CLSTN2: variants seen among roughly 807,000 people sequenced by gnomAD.
The protein encoded by CLSTN2 is calsyntenin-2.
In CLSTN2, 48 loss-of-function variants were observed where a neutral mutation model predicts 101.2. The observed-to-expected ratio is 0.47, with a 90% confidence interval of 0.38 to 0.60. CLSTN2 has a LOEUF of 0.60. Among genes scored for constraint, CLSTN2 ranks in the 20% least tolerant of loss-of-function variants. The probability of loss-of-function intolerance (pLI) is 0.00; values close to 1 mark genes in which losing one functional copy is unlikely to be tolerated. For missense variants in CLSTN2, 1,160 were observed against 1,238.2 expected (o/e 0.94, Z 0.95); for synonymous variants, 481 against 463.6 (o/e 1.04, Z -0.48).
intron 8 of CLSTN2, among the ~76,000 whole-genome samples, chr3:140,488,196 C>T (rs1934276684): frequency 6.6e-6 from 1 of 152,168 alleles, no homozygotes; most frequent in African/African-American, 2.4e-5. Context: ...AGTACATATT[C>T]ATTCACTTAT....
At position 139,976,797 on chromosome 3, in the gene CLSTN2, G is replaced by T. The variant is rs935135575; in HGVS notation, c.109+41314G>T. Among the ~76,000 whole-genome samples the T allele has an allele frequency of 4.6e-5, 7 of 152,178 alleles. No individual in the cohort carries two copies. In the East Asian group the frequency reaches 7.7e-4, roughly 17 times the overall value. On this transcript the variant is annotated intron_variant, in intron 1 of 16. Transcript: ENST00000458420. ...CACGCTGAGGGGTTGATTCCCTAGG[G>T]TTATTTGTGCACTTCTGTGTGTGCA...
chr3:140,547,193 G>A (rs898845848), intron 10 of CLSTN2, among the ~76,000 whole-genome samples: 20 of 152,306 alleles, frequency 1.3e-4, no homozygotes, highest in African/African-American at 4.3e-4. Context: ...CATGGGCTGC[G>A]CATGGTGGCC....
At chr3:140,054,553 C>T (rs2008060823) in intron 1 of CLSTN2, among the ~76,000 whole-genome samples, 1 of 152,130 alleles carries the variant, frequency 6.6e-6, no homozygotes, top group African/African-American at 2.4e-5. Context: ...TTATAGCCAC[C>T]CACATACCCA....
At chr3:140,099,666 C>T (rs762418615) in intron 1 of CLSTN2, among the ~76,000 whole-genome samples, 13 of 152,200 alleles carry the variant, frequency 8.5e-5, no homozygotes, top group Non-Finnish European at 1.6e-4. Flanking sequence ...CATAGTCCCT[C>T]TGTCTGCAAG....
At chr3:140,349,679 T>C (rs1157559815) in intron 2 of CLSTN2, among the ~76,000 whole-genome samples, 1 of 152,196 alleles carries the variant, frequency 6.6e-6, no homozygotes, top group Non-Finnish European at 1.5e-5. Flanking sequence ...ATTTGAAAGT[T>C]CAGGTGCTTG....
At chr3:140,292,598 C>T (rs1188839310) in intron 2 of CLSTN2, among the ~76,000 whole-genome samples, 2 of 152,154 alleles carry the variant, frequency 1.3e-5, no homozygotes, top group Admixed American at 6.5e-5. Flanking sequence ...AGAACTACTG[C>T]ATAGAGAAGA....
chr3:140,096,224 CA>C (rs1395374384), intron 1 of CLSTN2, among the ~76,000 whole-genome samples: 1 of 152,150 alleles, frequency 6.6e-6, no homozygotes, highest in Non-Finnish European at 1.5e-5. Flanking sequence ...CCCAGCTCCC[CA>C]AACAGCAGAG....
intron 1 of CLSTN2, among the ~76,000 whole-genome samples, chr3:140,078,514 T>A (rs60313064): frequency 0.056 from 8,498 of 152,248 alleles, 272 homozygotes; most frequent in Middle Eastern, 0.071. Flanking sequence ...CTCCATGTAA[T>A]GAGTGTATGT....
At chr3:140,464,822 C>T (rs1418167571) in intron 7 of CLSTN2, among the ~76,000 whole-genome samples, 2 of 152,130 alleles carry the variant, frequency 1.3e-5, no homozygotes, top group Non-Finnish European at 2.9e-5. Context: ...TTTGCCAATC[C>T]AGACGCTAAA....
chr3:140,564,181 G>T (rs982672396), intron 16 of CLSTN2, 36 bp downstream of exon 16: 2 of 1,601,034 alleles, frequency 1.2e-6, no homozygotes, highest in Non-Finnish European at 1.7e-6. Flanking sequence ...TCTGGGTGGG[G>T]TGCTTCTCCC....
intron 2 of CLSTN2, among the ~76,000 whole-genome samples, chr3:140,315,090 A>C (rs1456521318): frequency 6.6e-6 from 1 of 152,214 alleles, no homozygotes; most frequent in Non-Finnish European, 1.5e-5. Flanking sequence ...CTTGCTGGCA[A>C]GGAGCAGAAA....
At chr3:140,477,712 T>C (rs1934018810) in intron 8 of CLSTN2, among the ~76,000 whole-genome samples, 1 of 152,224 alleles carries the variant, frequency 6.6e-6, no homozygotes, top group South Asian at 2.1e-4. Context: ...TATGTTCTTG[T>C]CTTGTTGAGA....
In CLSTN2 at chr3:139,942,170, A is replaced by G. The variant is rs74657288; in HGVS notation, c.109+6687A>G. ...CTGGAAGGCATTGCCTTGCTGTCCA[A>G]GAATATTTGCTTGGATTTTACTTCA... On this transcript the variant is annotated intron_variant, in intron 1 of 16. Transcript: ENST00000458420. Among the ~76,000 whole-genome samples the G allele has an allele frequency of 9.7e-3, 1,477 of 152,296 alleles. 19 individuals are homozygous for G. Among genetic ancestry groups the G allele is most frequent in the African/African-American group, 0.032 (1,347 of 41,556 alleles).
intron 2 of CLSTN2, among the ~76,000 whole-genome samples, chr3:140,201,884 C>G (rs968248348): frequency 9.2e-5 from 14 of 152,000 alleles, no homozygotes; most frequent in Admixed American, 5.9e-4. Context: ...GAAAAAAAAC[C>G]TGAAAACACA....
intron 1 of CLSTN2, among the ~76,000 whole-genome samples, chr3:139,992,785 A>C (rs1302807267): frequency 6.6e-6 from 1 of 152,176 alleles, no homozygotes; most frequent in Non-Finnish European, 1.5e-5. Flanking sequence ...GGAGGCTGGA[A>C]GGTACAGAAA....
chr3:140,295,406 T>G (rs1025903876), intron 2 of CLSTN2, among the ~76,000 whole-genome samples: 1 of 152,298 alleles, frequency 6.6e-6, no homozygotes, highest in South Asian at 2.1e-4. Flanking sequence ...TGTCATAGTT[T>G]TTCCTTTACA....
chr3:140,178,589 G>A (rs964690033), intron 2 of CLSTN2, among the ~76,000 whole-genome samples: 4 of 152,170 alleles, frequency 2.6e-5, no homozygotes, highest in African/African-American at 4.8e-5. Flanking sequence ...GCTCTTAGGA[G>A]TAAAAAATAA....
intron 2 of CLSTN2, among the ~76,000 whole-genome samples, chr3:140,278,033 C>A (rs904232816): frequency 6.6e-6 from 1 of 152,298 alleles, no homozygotes; most frequent in Non-Finnish European, 1.5e-5. Context: ...CAGAGGCTCA[C>A]CCCACTGAAG....
intron 2 of CLSTN2, among the ~76,000 whole-genome samples, chr3:140,253,804 TC>T (rs1304364177): frequency 1.3e-5 from 2 of 151,964 alleles, no homozygotes; most frequent in African/African-American, 4.8e-5. Flanking sequence ...TACAGTACCA[TC>T]CAGATATGGT....
Sources: gnomAD v4.1 joint callset for allele counts (sites outside exome capture counted in the v4.1 genomes callset) on GRCh38, gnomAD v4.1.1 for gene constraint, MANE v1.5 for transcripts, NCBI Gene and HGNC (gene_info 2026-07-23, HGNC 2026-07-21) for gene names.